Variants in INTS7 observed in about 807,000 individuals in gnomAD.
INTS7 encodes integrator complex subunit 7.
Under a neutral mutation model 109.2 loss-of-function variants are expected in INTS7, and 46 were observed. The observed-to-expected ratio is 0.42, with a 90% CI of 0.33 to 0.54. INTS7 has a LOEUF of 0.54. Among genes scored for constraint, INTS7 ranks in the 20% least tolerant of loss-of-function variants. The pLI, the probability that INTS7 is intolerant of heterozygous loss-of-function variation, is 0.07. For missense variants in INTS7, 929 were observed against 1,132.4 expected, an observed-to-expected ratio of 0.82 and a Z score of 2.58; for synonymous variants, 412 against 402.9, an observed-to-expected ratio of 1.02 and a Z score of -0.27.
chr1:212,034,862 T>C (rs1667351917), intron 1 of INTS7, among the ~76,000 whole-genome samples: 1 of 152,204 alleles, frequency 6.6e-6, no homozygotes, highest in African/African-American at 2.4e-5. Flanking sequence ...AGCAGGGCCC[T>C]TGCTTTTTTA....
In INTS7 at chr1:211,947,942, C is replaced by T. The variant is rs552962087; in HGVS notation, c.2317-1237G>A. On this transcript the variant is annotated intron_variant, in intron 17 of 19. Coordinates refer to ENST00000366994, the MANE Select transcript of INTS7 (RefSeq NM_015434.4). ...TTGTTTAAAGGTAAAGAGATCAGGC[C>T]GCCTTCAGCCAGATCTATTACTGAA... Among the ~76,000 whole-genome samples the T allele has an allele frequency of 2.8e-4, 43 of 152,274 alleles. 1 individual carries two copies. The highest frequency in any genetic ancestry group is 9.1e-4 in the African/African-American group (38 of 41,550).
At chr1:212,015,329 T>C (rs1246923184) in intron 4 of INTS7, among the ~76,000 whole-genome samples, 1 of 152,080 alleles carries the variant, frequency 6.6e-6, no homozygotes, top group Non-Finnish European at 1.5e-5. Flanking sequence ...TAGAAAGAAG[T>C]AGACATAGGA....
intron 1 of INTS7, among the ~76,000 whole-genome samples, chr1:212,031,629 G>A (rs1486182967): frequency 6.6e-6 from 1 of 152,176 alleles, no homozygotes; most frequent in African/African-American, 2.4e-5. Flanking sequence ...TCTCCTTAAA[G>A]ATGTCTTGTT....
chr1:212,018,537 C>T (rs1299499189), intron 3 of INTS7, among the ~76,000 whole-genome samples: 2 of 149,242 alleles, frequency 1.3e-5, no homozygotes, highest in Non-Finnish European at 3.0e-5. Context: ...AAAACCAATT[C>T]AAACATTACC....
chr1:212,020,243 G>C lies in INTS7; in HGVS notation c.250C>G (p.Leu84Val). The change falls in exon 3 of 20, where the codon CTT (leucine) becomes GTT (valine). Residue 84 changes from leucine (L) to valine (V), a missense_variant. This residue lies in a region of INTS7 where 142 missense variants were observed against 231.4 expected (regional missense o/e 0.61). Coordinates refer to ENST00000366994, the MANE Select transcript of INTS7 (RefSeq NM_015434.4). ...VGNNFLRLCV[L>V]KVTQQSEKHL... ...TTCTCACTTTGTTGGGTAACTTTAAGAACACATAGCCTCAGGAAATTATTT... is the reference window on the plus strand; with the variant it reads ...TTCTCACTTTGTTGGGTAACTTTAACAACACATAGCCTCAGGAAATTATTT... The C allele has an allele frequency of 6.3e-7, 1 of 1,598,468 alleles. No homozygotes were observed. The highest frequency in any genetic ancestry group is 2.2e-5 in the East Asian group (1 of 44,622).
At chr1:212,014,187 G>A (rs1227449955) in intron 4 of INTS7, among the ~76,000 whole-genome samples, 1 of 151,834 alleles carries the variant, frequency 6.6e-6, no homozygotes, top group East Asian at 1.9e-4. Context: ...TGAAGGGGCC[G>A]GGCACACTGG....
intron 8 of INTS7, among the ~76,000 whole-genome samples, chr1:211,986,538 C>T (rs1256354341): frequency 6.6e-6 from 1 of 152,098 alleles, no homozygotes; most frequent in Non-Finnish European, 1.5e-5. Flanking sequence ...CCCAAAAGAC[C>T]ATGCATGGAA....
chr1:211,981,239 AAC>A (rs750306333), intron 9 of INTS7, 49 bp from the exon 10 acceptor site: 24 of 1,137,962 alleles, frequency 2.1e-5, no homozygotes, highest in Non-Finnish European at 2.7e-5. Flanking sequence ...TGTGTGTACA[AAC>A]ACACACACAT....
chr1:211,984,607 A>T (rs1043387905), intron 8 of INTS7, among the ~76,000 whole-genome samples: 1 of 152,030 alleles, frequency 6.6e-6, no homozygotes, highest in African/African-American at 2.4e-5. Flanking sequence ...TTTAATTTTT[A>T]TTTATTTAGT....
intron 15 of INTS7, among the ~76,000 whole-genome samples, chr1:211,967,286 A>C (rs1459453993): frequency 3.3e-5 from 5 of 151,936 alleles, no homozygotes; most frequent in African/African-American, 1.2e-4. Context: ...CCCCGTCTCT[A>C]CTAAAAATAT....
chr1:211,950,096 G>C (rs1170775245), intron 17 of INTS7, among the ~76,000 whole-genome samples: 4 of 152,118 alleles, frequency 2.6e-5, no homozygotes, highest in African/African-American at 9.7e-5. Flanking sequence ...TATTGTGTTT[G>C]TTTATAAAAT....
At chr1:211,961,167 G>T (rs986067840) in intron 16 of INTS7, among the ~76,000 whole-genome samples, 10 of 151,794 alleles carry the variant, frequency 6.6e-5, no homozygotes, top group Admixed American at 2.0e-4. Context: ...ATATTTCAGG[G>T]TATCATCCAC....
intron 13 of INTS7, among the ~76,000 whole-genome samples, chr1:211,974,853 G>A (rs1336858369): frequency 6.6e-6 from 1 of 152,170 alleles, no homozygotes. Context: ...GTTTATGTTT[G>A]ATGGTGGTAC....
chr1:211,966,966 T>G (rs764250973), intron 15 of INTS7, among the ~76,000 whole-genome samples: 1 of 152,222 alleles, frequency 6.6e-6, no homozygotes, highest in Non-Finnish European at 1.5e-5. Flanking sequence ...TGAACTTACA[T>G]GCACATTTTG....
At chr1:211,974,017 C>T (rs891709204) in intron 13 of INTS7, among the ~76,000 whole-genome samples, 4 of 151,926 alleles carry the variant, frequency 2.6e-5, no homozygotes, top group Non-Finnish European at 5.9e-5. Flanking sequence ...ATACACATAC[C>T]ACACAAATCA....
intron 17 of INTS7, among the ~76,000 whole-genome samples, chr1:211,947,370 A>G (rs1662887535): frequency 6.6e-6 from 1 of 152,238 alleles, no homozygotes; most frequent in Non-Finnish European, 1.5e-5. Flanking sequence ...TCATAAAATC[A>G]GAATTTAAGC....
At chr1:212,010,540 T>G (rs950796694) in intron 5 of INTS7, among the ~76,000 whole-genome samples, 2 of 152,136 alleles carry the variant, frequency 1.3e-5, no homozygotes, top group Non-Finnish European at 2.9e-5. Context: ...TTCCCTACAC[T>G]AATCATGCCC....
intron 7 of INTS7, among the ~76,000 whole-genome samples, chr1:211,988,637 T>A (rs1665007960): frequency 6.6e-6 from 1 of 152,136 alleles, no homozygotes; most frequent in Non-Finnish European, 1.5e-5. Context: ...TTGTAACATG[T>A]CAATAATAGG....
rs1179074808 is a variant in INTS7 at position 211,940,888 on chromosome 1, G to A, written c.*936C>T. 2 of 152,218 alleles carry A rather than the reference G, an allele frequency of 1.3e-5. No individual in the cohort carries two copies. The highest frequency in any genetic ancestry group is 3.8e-4 in the East Asian group (2 of 5,206). 9.4% of individuals were successfully genotyped at this position (152,218 alleles called of 1,614,324 possible). A position where few individuals can be genotyped will look rare whatever the true frequency, so the allele number is the denominator to read the frequency against. ...ATGTGAAATGTCTGTATTATACACA[G>A]TTGCAGACACATCAGAAAAAACAAA... is the stretch of plus-strand genomic sequence containing the variant. On this transcript the variant is annotated 3_prime_UTR_variant, in exon 20 of 20. Coordinates refer to ENST00000366994, the MANE Select transcript of INTS7 (RefSeq NM_015434.4).
Sources: gnomAD v4.1 joint callset for allele counts (sites outside exome capture counted in the v4.1 genomes callset) on GRCh38, gnomAD v4.1.1 for gene constraint, gnomAD v4.1.1 regional missense constraint, MANE v1.5 for transcripts, NCBI Gene and HGNC (gene_info 2026-07-23, HGNC 2026-07-21) for gene names.